The following BOP1 variants were observed in gnomAD, a reference collection of about 807,000 sequenced individuals.
BOP1 encodes BOP1 ribosomal biogenesis factor.
BOP1 carries 54 observed loss-of-function variants against 82.9 expected under a neutral mutation model. The ratio of observed to expected loss-of-function variants is 0.65; its 90% CI spans 0.52 to 0.82. The LOEUF (loss-of-function observed/expected upper bound fraction) is 0.82, where lower values mean the gene tolerates loss of function less well. Among genes scored for constraint, BOP1 ranks in the 40% least tolerant of loss-of-function variants. BOP1 has a pLI of 0.00. For synonymous variants in BOP1, 566 were observed against 451.1 expected, an observed-to-expected ratio of 1.25 and a Z score of -3.23; for missense variants, 1,170 against 1,072.0, an observed-to-expected ratio of 1.09 and a Z score of -1.28.
chr8:144,264,969 T>A lies in BOP1; in HGVS notation c.493A>T (p.Thr165Ser). 6.2e-7 allele frequency: 1 copy of A among 1,610,344 alleles called. No homozygotes were observed. The highest frequency in any genetic ancestry group is 8.5e-7 in the Non-Finnish European group (1 of 1,179,304). ...AGGAACTGGTCCAGCTCATCCCGGG[T>A]CCGCAGGGGCTTGTAGATGCGCCTG... ...DGRRIYKPLR[T>S]RDELDQFLDK... is the part of the protein sequence containing the mutation. Residue 165 changes from threonine (T) to serine (S), a missense_variant, in exon 4 of 16, where the codon ACC (threonine) becomes TCC (serine). Physicochemically the swap from Thr to Ser is moderately conservative, Grantham distance 58. Transcript: ENST00000569669.
chr8:144,265,546 C>T, intron 3 of BOP1: 1 of 185,590 alleles, frequency 5.4e-6, no homozygotes, highest in Non-Finnish European at 1.1e-5. Flanking sequence ...TGCCCTCGGC[C>T]CCTCCCCAGG....
In BOP1 at chr8:144,289,010, G is replaced by A. The variant is rs544717130; in HGVS notation, c.309+85C>T. On this transcript the variant is annotated intron_variant, in intron 2 of 15. Transcript: ENST00000569669. ...CCTTGGGGTTCTGAGGGACGGTGGAGAAGGCAGTACAGTGGCAGTCTCAGA... is the reference window on the plus strand; with the variant it reads ...CCTTGGGGTTCTGAGGGACGGTGGAAAAGGCAGTACAGTGGCAGTCTCAGA... 6 of 1,443,256 alleles carry A rather than the reference G, an allele frequency of 4.2e-6. No individual in the cohort carries two copies. In the African/African-American group the frequency reaches 4.2e-5, roughly 10 times the overall value. 89.4% of individuals were successfully genotyped at this position (1,443,256 alleles called of 1,614,324 possible). A position where few individuals can be genotyped will look rare whatever the true frequency, so the allele number is the denominator to read the frequency against.
At chr8:144,287,386 G>A (rs1814914189) in intron 2 of BOP1, among the ~76,000 whole-genome samples, 1 of 152,248 alleles carries the variant, frequency 6.6e-6, no homozygotes, top group Admixed American at 6.5e-5. Flanking sequence ...GACCCAGAAA[G>A]ATGTACACCA....
chr8:144,285,126 G>C (rs545658782), intron 2 of BOP1, among the ~76,000 whole-genome samples: 6 of 152,320 alleles, frequency 3.9e-5, no homozygotes, highest in African/African-American at 1.4e-4. Context: ...TGGCAGAGAT[G>C]AACAAAAGCC....
intron 3 of BOP1, among the ~76,000 whole-genome samples, chr8:144,272,306 A>G (rs1845504526): frequency 1.3e-5 from 2 of 152,118 alleles, no homozygotes; most frequent in East Asian, 3.9e-4. Flanking sequence ...GACACCTCCA[A>G]AATCTCATTC....
rs181041813 is a variant in BOP1, at chr8:144,288,063, C to T, written c.309+1032G>A. On this transcript the variant is annotated intron_variant, in intron 2 of 15. Transcript: ENST00000569669. ...GGCAGATCACTTGAGGTCAGGAGTT[C>T]GAGACCAGCCTGGCCAACATGGTGA... is the stretch of plus-strand genomic sequence containing the variant. 4.0e-4 allele frequency among the ~76,000 whole-genome samples: 61 copies of T among 152,042 alleles called. 1 individual carries two copies. Among genetic ancestry groups the T allele is most frequent in the African/African-American group, 1.4e-3 (57 of 41,456 alleles).
intron 2 of BOP1, among the ~76,000 whole-genome samples, chr8:144,286,167 G>A (rs1457408974): frequency 6.6e-6 from 1 of 152,192 alleles, no homozygotes; most frequent in Non-Finnish European, 1.5e-5. Flanking sequence ...AAAAGGGAGG[G>A]GTTCCCACTA....
At chr8:144,284,813 G>A (rs185375768) in intron 2 of BOP1, among the ~76,000 whole-genome samples, 1 of 152,344 alleles carries the variant, frequency 6.6e-6, no homozygotes, top group African/African-American at 2.4e-5. Context: ...GCATGTCAAT[G>A]CTAAAGGCCT....
At chr8:144,271,084 CCG>C (rs1554837723) in intron 3 of BOP1, among the ~76,000 whole-genome samples, 1 of 27,322 alleles carries the variant, frequency 3.7e-5, no homozygotes, top group Non-Finnish European at 8.6e-5. Flanking sequence ...AGAGCCCCGG[CCG>C]GCCGGCCGGG....
intron 3 of BOP1, chr8:144,268,589 C>T (rs948484434): frequency 1.9e-5 from 4 of 210,354 alleles, no homozygotes; most frequent in South Asian, 1.5e-4. Context: ...CCAAGTACCC[C>T]GGCTCCCTGG....
chr8:144,273,641 G>A (rs1212445870), intron 3 of BOP1, among the ~76,000 whole-genome samples: 1 of 152,236 alleles, frequency 6.6e-6, no homozygotes, highest in East Asian at 1.9e-4. Flanking sequence ...GGCAAAGGCC[G>A]AGAGCCCCCT....
At chr8:144,265,639 G>A (rs1219691214) in intron 3 of BOP1, 5 of 162,972 alleles carry the variant, frequency 3.1e-5, no homozygotes, top group South Asian at 1.6e-4. Context: ...CCTGGGGACC[G>A]CTGCCCAGGA....
In BOP1 at chr8:144,264,830, G is replaced by A. The variant is rs1256381303; in HGVS notation, c.547C>T (p.Arg183Cys). 194 of 1,608,832 alleles carry A rather than the reference G, an allele frequency of 1.2e-4. No individual in the cohort carries two copies. The highest frequency in any genetic ancestry group is 1.3e-4 in the Non-Finnish European group (159 of 1,179,122). Reference protein sequence around the residue: ...LDKMDDPDYWRTVQDPMTGRD... With the variant: ...LDKMDDPDYWCTVQDPMTGRD... ...CCTGTCATCGGGTCCTGCACGGTGC[G>A]CCTGGAGACCGCCAGTCAGACCCCG... Residue 183 changes from arginine (R) to cysteine (C), a missense_variant and splice_region_variant, in exon 5 of 16, where the codon CGC becomes TGC. Coordinates refer to ENST00000569669, the MANE Select transcript of BOP1 (RefSeq NM_015201.5).
chr8:144,269,162 G>C (rs1436216374), intron 3 of BOP1, among the ~76,000 whole-genome samples: 1 of 152,236 alleles, frequency 6.6e-6, no homozygotes, highest in African/African-American at 2.4e-5. Flanking sequence ...AGCCCCCACA[G>C]TGCTCTGTGC....
At chr8:144,267,003 G>C in intron 3 of BOP1, 1 of 1,543,072 alleles carries the variant, frequency 6.5e-7, no homozygotes. Context: ...TGGGCAACGT[G>C]CTGCTGGCGG....
intron 3 of BOP1, chr8:144,266,457 C>G: frequency 1.0e-6 from 1 of 969,462 alleles, no homozygotes; most frequent in Non-Finnish European, 1.2e-6. Context: ...CGCTCCGGCC[C>G]GGGACGCACA....
intron 2 of BOP1, among the ~76,000 whole-genome samples, chr8:144,283,355 T>G (rs1442873834): frequency 4.6e-5 from 7 of 152,318 alleles, no homozygotes; most frequent in African/African-American, 1.7e-4. Flanking sequence ...CTAGCTGTCC[T>G]GCCCTTGGGC....
At chr8:144,270,009 G>C (rs1223564424) in intron 3 of BOP1, among the ~76,000 whole-genome samples, 1 of 152,190 alleles carries the variant, frequency 6.6e-6, no homozygotes, top group Non-Finnish European at 1.5e-5. Context: ...CTCACCTCCA[G>C]GCCTCCCATT....
intron 2 of BOP1, among the ~76,000 whole-genome samples, chr8:144,283,458 C>T (rs1330507234): frequency 1.3e-5 from 2 of 152,128 alleles, no homozygotes; most frequent in African/African-American, 2.4e-5. Flanking sequence ...ACCACGGGCA[C>T]GCACCGCCAT....
Sources: gnomAD v4.1 joint callset for allele counts (sites outside exome capture counted in the v4.1 genomes callset) on GRCh38, gnomAD v4.1.1 for gene constraint, MANE v1.5 for transcripts, NCBI Gene and HGNC (gene_info 2026-07-23, HGNC 2026-07-21) for gene names.